Variants in MAPK10 observed in about 807,000 individuals in gnomAD.
MAPK10 encodes the protein JNK3 alpha protein kinase.
Under a neutral mutation model 59.3 loss-of-function variants are expected in MAPK10, and 25 were observed. That is an observed-to-expected ratio of 0.42 (90% confidence interval 0.31 to 0.59). The LOEUF (loss-of-function observed/expected upper bound fraction) is 0.59, where lower values mean the gene tolerates loss of function less well. Among genes scored for constraint, MAPK10 ranks in the 20% least tolerant of loss-of-function variants. MAPK10 has a pLI of 0.15. For missense variants in MAPK10, 351 were observed against 568.9 expected (o/e 0.62, Z 3.90); for synonymous variants, 190 against 200.5 (o/e 0.95, Z 0.44).
intron 2 of MAPK10, among the ~76,000 whole-genome samples, chr4:86,208,501 T>C (rs1423870853): frequency 1.3e-5 from 2 of 150,464 alleles, no homozygotes; most frequent in Non-Finnish European, 2.9e-5. Flanking sequence ...CATGATTATC[T>C]CAATAGATGC....
At chr4:86,516,536 T>C (rs549454714) in intron 1 of MAPK10, among the ~76,000 whole-genome samples, 1 of 152,328 alleles carries the variant, frequency 6.6e-6, no homozygotes, top group Middle Eastern at 3.4e-3. Context: ...TTTCCATTTG[T>C]TTGTGTCGTC....
At chr4:86,251,150 ATTTT>A in intron 2 of MAPK10, among the ~76,000 whole-genome samples, 1 of 73,932 alleles carries the variant, frequency 1.4e-5, no homozygotes, top group African/African-American at 1.8e-4. Context: ...CATCGTTTTT[ATTTT>A]ATTTTATTTT....
intron 1 of MAPK10, among the ~76,000 whole-genome samples, chr4:86,459,170 A>C (rs1256108466): frequency 6.6e-6 from 1 of 152,270 alleles, no homozygotes; most frequent in African/African-American, 2.4e-5. Context: ...AATGCTCAAC[A>C]TCACTAGTGA....
At chr4:86,187,666 G>C (rs2078591415) in intron 3 of MAPK10, among the ~76,000 whole-genome samples, 2 of 152,016 alleles carry the variant, frequency 1.3e-5, no homozygotes. Flanking sequence ...TATAATCAAA[G>C]AAGAAATCAC....
At chr4:86,524,502 C>A (rs951469724) in intron 1 of MAPK10, among the ~76,000 whole-genome samples, 1 of 152,176 alleles carries the variant, frequency 6.6e-6, no homozygotes, top group East Asian at 1.9e-4. Flanking sequence ...TCTTCTCCCA[C>A]AATAATTTCA....
chr4:86,068,081 G>A (rs2047082247), intron 9 of MAPK10, 126 bp from the exon 10 acceptor site: 1 of 531,056 alleles, frequency 1.9e-6, no homozygotes, highest in East Asian at 3.0e-5. Flanking sequence ...AAGCAACAAA[G>A]AATGAAAATA....
At chr4:86,552,459 A>AGGAGGGAAGGAAGGAG (rs1759882985) in intron 1 of MAPK10, among the ~76,000 whole-genome samples, 1 of 34,562 alleles carries the variant, frequency 2.9e-5, no homozygotes, top group Non-Finnish European at 6.7e-5. Flanking sequence ...GAAGGAAGGA[A>AGGAGGGAAGGAAGGAG]GGAGGGAGGG....
intron 2 of MAPK10, among the ~76,000 whole-genome samples, chr4:86,341,503 G>A (rs1364485478): frequency 6.6e-6 from 1 of 152,136 alleles, no homozygotes; most frequent in Non-Finnish European, 1.5e-5. Flanking sequence ...GTGGGAGGAC[G>A]GCAATGTGTC....
At chr4:86,271,477 A>T (rs2094431315) in intron 2 of MAPK10, among the ~76,000 whole-genome samples, 1 of 152,014 alleles carries the variant, frequency 6.6e-6, no homozygotes. Context: ...TTCAGAGGGT[A>T]CATATGGAGG....
chr4:86,133,515 T>G (rs2061372408), intron 4 of MAPK10, among the ~76,000 whole-genome samples: 1 of 152,254 alleles, frequency 6.6e-6, no homozygotes. Context: ...ATAAAAATTT[T>G]TAATGCCTAC....
chr4:86,170,655 G>A (rs980566661), intron 3 of MAPK10, among the ~76,000 whole-genome samples: 2 of 151,930 alleles, frequency 1.3e-5, no homozygotes, highest in African/African-American at 4.8e-5. Flanking sequence ...GTCAACATTA[G>A]ACAGATCAAT....
chr4:86,551,106 G>T (rs1242864403), intron 1 of MAPK10, among the ~76,000 whole-genome samples: 1 of 152,174 alleles, frequency 6.6e-6, no homozygotes, highest in African/African-American at 2.4e-5. Flanking sequence ...ATCAAGATTT[G>T]TGGCAATTTG....
chr4:86,262,026 T>C (rs768837090), intron 2 of MAPK10, among the ~76,000 whole-genome samples: 6 of 152,260 alleles, frequency 3.9e-5, no homozygotes, highest in Admixed American at 1.3e-4. Flanking sequence ...AGTCTAATTA[T>C]TTAATATAAC....
At chr4:86,571,396 G>A (rs1761441431) in intron 1 of MAPK10, among the ~76,000 whole-genome samples, 1 of 150,382 alleles carries the variant, frequency 6.6e-6, no homozygotes, top group Non-Finnish European at 1.5e-5. Flanking sequence ...ACCTATATGA[G>A]CTTATCAATT....
At chr4:86,121,016 A>C (rs1306371555) in intron 4 of MAPK10, among the ~76,000 whole-genome samples, 1 of 152,228 alleles carries the variant, frequency 6.6e-6, no homozygotes, top group Non-Finnish European at 1.5e-5. Flanking sequence ...TCTATTTCTT[A>C]TATATTCTTG....
chr4:86,111,275 T>A (rs183166078), intron 4 of MAPK10, among the ~76,000 whole-genome samples: 1 of 152,214 alleles, frequency 6.6e-6, no homozygotes, highest in African/African-American at 2.4e-5. Flanking sequence ...TTAATAGGCA[T>A]GAAGAGAGAG....
chr4:86,045,778 A>G (rs929638260), intron 11 of MAPK10, among the ~76,000 whole-genome samples: 1 of 149,262 alleles, frequency 6.7e-6, no homozygotes, highest in Non-Finnish European at 1.5e-5. Context: ...AATTCTCTCC[A>G]CCCTCTCTTG....
At chr4:86,436,735 T>C (rs1748769638) in intron 1 of MAPK10, among the ~76,000 whole-genome samples, 3 of 152,308 alleles carry the variant, frequency 2.0e-5, no homozygotes, top group South Asian at 2.1e-4. Context: ...ATAGTTAATA[T>C]ATCAAGATAT....
At chr4:86,450,639 T>C (rs571864937) in intron 1 of MAPK10, among the ~76,000 whole-genome samples, 3 of 152,314 alleles carry the variant, frequency 2.0e-5, no homozygotes, top group South Asian at 4.1e-4. Context: ...CACAGTAACC[T>C]ACCCATAGTT....
Sources: allele counts gnomAD v4.1 joint callset (sites outside exome capture counted in the v4.1 genomes callset), GRCh38; gene constraint gnomAD v4.1.1; transcripts MANE v1.5; gene names NCBI Gene and HGNC (gene_info 2026-07-23, HGNC 2026-07-21).